Variants in GOT2 observed in about 807,000 individuals in gnomAD.
The protein encoded by GOT2 is glutamic-oxaloacetic transaminase 2, also known as aspartate aminotransferase, mitochondrial.
A neutral mutation model predicts 50.0 loss-of-function variants in GOT2; 17 were observed. The ratio of observed to expected loss-of-function variants is 0.34; its 90% confidence interval spans 0.23 to 0.51. The LOEUF is 0.51. GOT2 is among the 20% of genes least tolerant of loss of function. The pLI is 0.97. For synonymous variants in GOT2, 172 were observed against 204.9 expected (o/e 0.84, Z 1.37); for missense variants, 430 against 559.6 (o/e 0.77, Z 2.34).
intron 3 of GOT2, among the ~76,000 whole-genome samples, chr16:58,721,300 T>C (rs1214924880): frequency 6.6e-6 from 1 of 152,178 alleles, no homozygotes; most frequent in East Asian, 1.9e-4. Flanking sequence ...AAAAAACATG[T>C]TTTTTTCAAA....
intron 7 of GOT2, chr16:58,716,454 G>C: frequency 1.6e-6 from 1 of 609,226 alleles, no homozygotes; most frequent in Non-Finnish European, 2.8e-6. Flanking sequence ...AGTTTCCTTT[G>C]CTGGAAAAAC....
chr16:58,734,273 G>T lies in GOT2; in HGVS notation c.-45C>A. ...GTGGGCAGCCGCAGGACGGAGCAGA[G>T]GGCGAGCGGACACACACACAGGGAA... On this transcript the variant is annotated 5_prime_UTR_variant, in exon 1 of 10. Transcript: ENST00000245206. 1.9e-6 allele frequency: 2 copies of T among 1,078,144 alleles called. No individual in the cohort carries two copies. Among genetic ancestry groups the T allele is most frequent in the Non-Finnish European group, 1.2e-6 (1 of 825,690 alleles). The allele number at this position is 1,078,144 out of a possible 1,614,324, so 66.8% of individuals were successfully genotyped here.
intron 6 of GOT2, among the ~76,000 whole-genome samples, 181 bp from the exon 7 acceptor site, chr16:58,716,994 C>G (rs2044700584): frequency 6.6e-6 from 1 of 152,204 alleles, no homozygotes; most frequent in African/African-American, 2.4e-5. Flanking sequence ...GAGACAACAT[C>G]ATTAGAACCA....
At chr16:58,720,451 G>A (rs539227956) in intron 3 of GOT2, among the ~76,000 whole-genome samples, 27 of 152,072 alleles carry the variant, frequency 1.8e-4, no homozygotes, top group Non-Finnish European at 3.5e-4. Flanking sequence ...TGGGGTGGTA[G>A]TAGATTAAAG....
chr16:58,707,257 A>C lies in GOT2; in HGVS notation c.*914T>G, dbSNP rs900481748. 3.9e-5 allele frequency: 6 copies of C among 152,184 alleles called. No individual in the cohort carries two copies. The highest frequency in any genetic ancestry group is 8.8e-5 in the Non-Finnish European group (6 of 68,038). 9.4% of individuals were successfully genotyped at this position (152,184 alleles called of 1,614,324 possible). A position where few individuals can be genotyped will look rare whatever the true frequency, so the allele number is the denominator to read the frequency against. ...CAGCTAGCAGCACGCAAAGCCTAGA[A>C]TATCCTCTTTCCTGGTACCACCCTG... On this transcript the variant is annotated 3_prime_UTR_variant, in exon 10 of 10. Coordinates refer to ENST00000245206, the MANE Select transcript of GOT2 (RefSeq NM_002080.4).
At chr16:58,721,236 G>A (rs1286643545) in intron 3 of GOT2, among the ~76,000 whole-genome samples, 2 of 152,174 alleles carry the variant, frequency 1.3e-5, no homozygotes, top group Non-Finnish European at 2.9e-5. Flanking sequence ...TTGCTAGTTT[G>A]TATGTTTCTT....
At chr16:58,708,866 A>AT (rs2044623521) in intron 9 of GOT2, among the ~76,000 whole-genome samples, 1 of 152,090 alleles carries the variant, frequency 6.6e-6, no homozygotes. Flanking sequence ...AAAAAGCAAA[A>AT]TAAATGCTAA....
chr16:58,724,468 C>T lies in GOT2; in HGVS notation c.90-566G>A, dbSNP rs75442037. ...ATAGTACAGTCCCATATACCCTTAC[C>T]CCCAGGTTTCCCCTATTAACATTTT... On this transcript the variant is annotated intron_variant, in intron 1 of 9. Transcript: ENST00000245206. 8.3e-3 allele frequency among the ~76,000 whole-genome samples: 1,270 copies of T among 152,106 alleles called. 18 individuals are homozygous for T. Among genetic ancestry groups the T allele is most frequent in the African/African-American group, 0.029 (1,213 of 41,470 alleles).
intron 7 of GOT2, 62 bp downstream of exon 7, chr16:58,716,601 A>G (rs899050226): frequency 2.5e-5 from 35 of 1,420,902 alleles, no homozygotes; most frequent in Non-Finnish European, 3.4e-5. Flanking sequence ...CACAAGCTCT[A>G]TGCCCTCGTG....
chr16:58,723,826 T>A lies in GOT2; in HGVS notation c.166A>T (p.Asn56Tyr). The A allele has an allele frequency of 6.2e-7, 1 of 1,612,828 alleles. No homozygotes were observed. The highest frequency in any genetic ancestry group is 8.5e-7 in the Non-Finnish European group (1 of 1,178,792). Residue 56 changes from asparagine to tyrosine, a missense_variant, in exon 2 of 10, where the codon AAT (asparagine) becomes TAT (tyrosine). Physicochemically the swap from Asn to Tyr is moderately radical, Grantham distance 143 (BLOSUM62 -2). Transcript: ENST00000245206. ...ACTCCCAGATTCATCTTTTTGCTAT[T>A]GGTGTCCCTCTTAAAGGCTTCAGTG... is the stretch of plus-strand genomic sequence containing the variant. The part of the protein sequence containing the change: ...GVTEAFKRDT[N>Y]SKKMNLGVGA...
chr16:58,718,780 T>A (rs1391264762), intron 4 of GOT2, 92 bp from the exon 5 acceptor site: 43 of 1,032,312 alleles, frequency 4.2e-5, no homozygotes, highest in Non-Finnish European at 4.2e-5. Context: ...TTTTCTCTGC[T>A]GAAACCCAGT....
Position 58,718,507 on chromosome 16 carries a change from A to G in GOT2, c.597+20T>C, listed in dbSNP as rs1035703017. 3 of 1,557,386 alleles carry G rather than the reference A, an allele frequency of 1.9e-6. No homozygotes were observed. The highest frequency in any genetic ancestry group is 2.6e-6 in the Non-Finnish European group (3 of 1,152,950). ...GCAAGGAGTTTTATTCACCTCTCTC[A>G]CCCTGAAAGCCACACTTACTGAAAT... On this transcript the variant is annotated intron_variant, in intron 5 of 9. Transcript: ENST00000245206.
chr16:58,717,275 G>A (rs1212670170), intron 6 of GOT2, among the ~76,000 whole-genome samples: 1 of 152,144 alleles, frequency 6.6e-6, no homozygotes, highest in East Asian at 1.9e-4. Context: ...CTACTCAGGG[G>A]CTGAGGTAGG....
At chr16:58,715,531 G>A (rs2044685276) in intron 8 of GOT2, among the ~76,000 whole-genome samples, 1 of 152,104 alleles carries the variant, frequency 6.6e-6, no homozygotes, top group Non-Finnish European at 1.5e-5. Flanking sequence ...GCAAGACCCT[G>A]TCTCAACCAA....
At chr16:58,712,587 A>G (rs1473140259) in intron 8 of GOT2, among the ~76,000 whole-genome samples, 1 of 152,248 alleles carries the variant, frequency 6.6e-6, no homozygotes, top group East Asian at 1.9e-4. Context: ...TCATCAGATT[A>G]TAACCACCCT....
chr16:58,730,783 G>T (rs1368516550), intron 1 of GOT2, among the ~76,000 whole-genome samples: 1 of 152,146 alleles, frequency 6.6e-6, no homozygotes, highest in Non-Finnish European at 1.5e-5. Context: ...TAAGAACTCT[G>T]ATGTTTTTAA....
Position 58,734,302 on chromosome 16 carries a change from G to C in GOT2, c.-74C>G. ...GAGCGGACACACACACAGGGAACCGGCTCCTGCTGAAGGTAAGGACAGGGA... is the reference window on the plus strand; with the variant it reads ...GAGCGGACACACACACAGGGAACCGCCTCCTGCTGAAGGTAAGGACAGGGA... On this transcript the variant is annotated 5_prime_UTR_variant, in exon 1 of 10. Transcript: ENST00000245206. 1 of 810,410 alleles carries C rather than the reference G, an allele frequency of 1.2e-6. No individual in the cohort carries two copies. Among genetic ancestry groups the C allele is most frequent in the Non-Finnish European group, 1.7e-6 (1 of 593,798 alleles). 50.2% of individuals were successfully genotyped at this position (810,410 alleles called of 1,614,324 possible).
intron 1 of GOT2, 103 bp downstream of exon 1, chr16:58,734,011 AAGTGTGTGTGTGTGCGTGTGAGTGAC>A: frequency 2.7e-6 from 1 of 375,826 alleles, no homozygotes; most frequent in Non-Finnish European, 4.1e-6. Flanking sequence ...GGTGGCAGAA[AAGTGTGTGTGTGTGCGTGTGAGTGAC>A]AGTGTGTATT....
intron 8 of GOT2, among the ~76,000 whole-genome samples, chr16:58,713,044 A>G (rs1869844061): frequency 6.6e-6 from 1 of 152,232 alleles, no homozygotes; most frequent in African/African-American, 2.4e-5. Context: ...GGTTGCAGTG[A>G]GCCAAGATTG....
Sources: gnomAD v4.1 joint callset for allele counts (sites outside exome capture counted in the v4.1 genomes callset) on GRCh38, gnomAD v4.1.1 for gene constraint, MANE v1.5 for transcripts, NCBI Gene and HGNC (gene_info 2026-07-23, HGNC 2026-07-21) for gene names.